Variants in DCBLD1 observed in about 807,000 individuals in gnomAD.
DCBLD1 encodes the protein discoidin, CUB and LCCL domain containing 1, also known as discoidin, CUB and LCCL domain-containing protein 1.
DCBLD1 carries 57 observed loss-of-function variants against 71.5 expected under a neutral mutation model. That is an observed-to-expected ratio of 0.80 (90% CI 0.64 to 0.99). The LOEUF is 0.99. Among genes scored for constraint, DCBLD1 ranks in the 50% least tolerant of loss-of-function variants. The probability of loss-of-function intolerance (pLI) is 0.00; values close to 1 mark genes in which losing one functional copy is unlikely to be tolerated. For synonymous variants in DCBLD1, 380 were observed against 363.8 expected (o/e 1.04, Z -0.51); for missense variants, 891 against 923.5 (o/e 0.96, Z 0.46).
chr6:117,564,763 G>C (rs1468972312), intron 14 of DCBLD1, among the ~76,000 whole-genome samples: 1 of 152,206 alleles, frequency 6.6e-6, no homozygotes, highest in Non-Finnish European at 1.5e-5. Context: ...AACAGCAAGT[G>C]TGAAATACAA....
intron 1 of DCBLD1, 89 bp from the exon 2 acceptor site, chr6:117,503,678 A>G (rs527779173): frequency 1.1e-5 from 15 of 1,399,460 alleles, no homozygotes; most frequent in Admixed American, 2.1e-5. Context: ...AATAAAATAC[A>G]TAACTTGGAG....
At chr6:117,512,878 T>TA (rs950905946) in intron 2 of DCBLD1, among the ~76,000 whole-genome samples, 66 of 149,890 alleles carry the variant, frequency 4.4e-4, no homozygotes, top group African/African-American at 1.3e-3. Context: ...GTATGGTAGT[T>TA]AAAAAAAAAA....
At chr6:117,547,719 C>A in intron 14 of DCBLD1, 188 bp from the exon 15 acceptor site, 1 of 1,235,668 alleles carries the variant, frequency 8.1e-7, no homozygotes, top group Non-Finnish European at 1.2e-6. Context: ...GCAGGCGGTG[C>A]GGTTGTGTAC....
At chr6:117,508,777 G>A (rs529054437) in intron 2 of DCBLD1, among the ~76,000 whole-genome samples, 9 of 152,156 alleles carry the variant, frequency 5.9e-5, no homozygotes, top group Non-Finnish European at 1.3e-4. Flanking sequence ...GTTTGGGGTG[G>A]GTCCGGGACT....
At chr6:117,531,579 G>A (rs544306982) in intron 5 of DCBLD1, among the ~76,000 whole-genome samples, 1 of 152,318 alleles carries the variant, frequency 6.6e-6, no homozygotes, top group East Asian at 1.9e-4. Context: ...AGCTGGCACT[G>A]GCTTTTTGAT....
intron 4 of DCBLD1, 151 bp downstream of exon 4, chr6:117,521,727 C>A: frequency 1.5e-6 from 1 of 682,934 alleles, no homozygotes; most frequent in Non-Finnish European, 2.4e-6. Context: ...TGTTATATAG[C>A]AGGAAGTCAG....
chr6:117,536,447 G>C (rs768547552), intron 6 of DCBLD1, among the ~76,000 whole-genome samples: 1 of 152,202 alleles, frequency 6.6e-6, no homozygotes, highest in Non-Finnish European at 1.5e-5. Flanking sequence ...GTGGCCTTAG[G>C]AATGTCTTCT....
At chr6:117,537,662 CTTTTTTT>C (rs68032011) in intron 7 of DCBLD1, among the ~76,000 whole-genome samples, 29 of 46,868 alleles carry the variant, frequency 6.2e-4, no homozygotes, top group African/African-American at 2.0e-3. Context: ...TACATAGCAC[CTTTTTTT>C]TTTTTTTTTT....
intron 2 of DCBLD1, among the ~76,000 whole-genome samples, chr6:117,509,237 G>T (rs1777935611): frequency 1.3e-5 from 2 of 152,072 alleles, no homozygotes; most frequent in South Asian, 4.1e-4. Flanking sequence ...TTTGAGACTA[G>T]GTTGGACAAC....
At chr6:117,567,068 TATTGTA>T (rs1222253548) in intron 14 of DCBLD1, 5 of 1,481,030 alleles carry the variant, frequency 3.4e-6, no homozygotes, top group Non-Finnish European at 4.5e-6. Flanking sequence ...AAAGTCAAGT[TATTGTA>T]ATTGTAATTT....
chr6:117,512,843 C>A (rs1003014759), intron 2 of DCBLD1, among the ~76,000 whole-genome samples: 1 of 151,642 alleles, frequency 6.6e-6, no homozygotes, highest in African/African-American at 2.4e-5. Context: ...TTTATTTGAT[C>A]TCTCAGTGGT....
intron 1 of DCBLD1, among the ~76,000 whole-genome samples, chr6:117,500,757 G>C (rs1018472725): frequency 2.0e-5 from 3 of 152,052 alleles, no homozygotes; most frequent in Admixed American, 6.5e-5. Flanking sequence ...CACCTACTCG[G>C]GAGGCTGAGG....
intron 2 of DCBLD1, among the ~76,000 whole-genome samples, chr6:117,505,677 G>T (rs2114434592): frequency 6.6e-6 from 1 of 152,260 alleles, no homozygotes. Flanking sequence ...ATACACAAAG[G>T]CAGAAAAGGT....
At chr6:117,534,498 TC>T (rs1178526660) in intron 6 of DCBLD1, among the ~76,000 whole-genome samples, 3 of 152,194 alleles carry the variant, frequency 2.0e-5, no homozygotes, top group African/African-American at 7.2e-5. Flanking sequence ...CCTGAATTTG[TC>T]AGGTGCTACC....
chr6:117,487,247 A>G (rs1286086906), intron 1 of DCBLD1, among the ~76,000 whole-genome samples: 1 of 152,040 alleles, frequency 6.6e-6, no homozygotes, highest in African/African-American at 2.4e-5. Context: ...TGGGAGCTCA[A>G]TAGGGGATGG....
intron 14 of DCBLD1, among the ~76,000 whole-genome samples, chr6:117,554,807 C>A (rs986592105): frequency 6.6e-6 from 1 of 151,474 alleles, no homozygotes; most frequent in Non-Finnish European, 1.5e-5. Context: ...GCAGGAGAAT[C>A]GCTTGAACCT....
intron 11 of DCBLD1, among the ~76,000 whole-genome samples, chr6:117,541,341 G>A (rs1034884478): frequency 6.6e-6 from 1 of 152,010 alleles, no homozygotes; most frequent in African/African-American, 2.4e-5. Context: ...ATAGAAATTG[G>A]TAATATAGAA....
intron 1 of DCBLD1, among the ~76,000 whole-genome samples, chr6:117,499,503 T>C (rs1381874789): frequency 6.6e-6 from 1 of 152,162 alleles, no homozygotes; most frequent in Non-Finnish European, 1.5e-5. Flanking sequence ...GCCTCCTCAC[T>C]TCCATCCCCA....
At chr6:117,498,520 A>G (rs1397923355) in intron 1 of DCBLD1, among the ~76,000 whole-genome samples, 3 of 152,056 alleles carry the variant, frequency 2.0e-5, no homozygotes, top group Non-Finnish European at 4.4e-5. Flanking sequence ...CCCTATTTTG[A>G]TGTTAGATAG....
Sources: allele counts gnomAD v4.1 joint callset (sites outside exome capture counted in the v4.1 genomes callset), GRCh38; gene constraint gnomAD v4.1.1; transcripts MANE v1.5; gene names NCBI Gene and HGNC (gene_info 2026-07-23, HGNC 2026-07-21).